DHX35: variants seen among roughly 807,000 people sequenced by gnomAD.
The protein encoded by DHX35 is DEAH-box helicase 35.
A neutral mutation model predicts 99.6 loss-of-function variants in DHX35; 84 were observed. That is an observed-to-expected ratio of 0.84 (90% CI 0.71 to 1.01). DHX35 has a LOEUF of 1.01. Among genes scored for constraint, DHX35 ranks in the 50% least tolerant of loss-of-function variants. DHX35 has a pLI of 0.00. For missense variants in DHX35, 852 were observed against 888.5 expected, an observed-to-expected ratio of 0.96 and a Z score of 0.52; for synonymous variants, 331 against 316.2, an observed-to-expected ratio of 1.05 and a Z score of -0.50.
chr20:38,972,756 C>T, intron 3 of DHX35, 105 bp downstream of exon 3: 1 of 726,340 alleles, frequency 1.4e-6, no homozygotes, highest in Non-Finnish European at 2.3e-6. Context: ...GGTCTCCTTT[C>T]AGGAAATGTT....
chr20:38,994,660 A>G (rs2086398270), intron 7 of DHX35, among the ~76,000 whole-genome samples, 161 bp from the exon 8 acceptor site: 1 of 126,458 alleles, frequency 7.9e-6, no homozygotes, highest in Admixed American at 8.6e-5. Flanking sequence ...GACAATTATT[A>G]ATTTGTAGTC....
At chr20:39,028,826 G>C (rs2086998854) in intron 19 of DHX35, among the ~76,000 whole-genome samples, 1 of 152,178 alleles carries the variant, frequency 6.6e-6, no homozygotes, top group Non-Finnish European at 1.5e-5. Flanking sequence ...TCTCAGAGAA[G>C]TTATTTTACA....
chr20:39,023,353 T>C (rs960780089), intron 16 of DHX35, among the ~76,000 whole-genome samples: 2 of 152,106 alleles, frequency 1.3e-5, no homozygotes, highest in African/African-American at 4.8e-5. Context: ...AGTGCAAAAG[T>C]CAATTTCTTT....
chr20:39,032,770 C>G (rs1031896143), intron 20 of DHX35, among the ~76,000 whole-genome samples: 3 of 152,162 alleles, frequency 2.0e-5, no homozygotes, highest in African/African-American at 7.2e-5. Context: ...TTAACAAGCC[C>G]TCCAGATGTT....
In DHX35 at chr20:39,025,282, T is replaced by C; in HGVS notation, c.1724T>C (p.Leu575Pro). ...GAACATTTCCTGAATTACAAGGGTC[T>C]TGTCAGAGCTGCGACTGTAAGAGAA... ...CQEHFLNYKG[L>P]VRAATVREQL... Residue 575 changes from leucine to proline, a missense_variant, in exon 18 of 22, where the codon CTT becomes CCT. Transcript: ENST00000252011. The C allele has an allele frequency of 1.2e-6, 2 of 1,613,738 alleles. No homozygotes were observed. The highest frequency in any genetic ancestry group is 1.7e-6 in the Non-Finnish European group (2 of 1,179,796).
intron 16 of DHX35, among the ~76,000 whole-genome samples, chr20:39,023,350 A>C (rs2086901630): frequency 6.6e-6 from 1 of 152,130 alleles, no homozygotes; most frequent in Non-Finnish European, 1.5e-5. Flanking sequence ...TCCAGTGCAA[A>C]AGTCAATTTC....
intron 8 of DHX35, among the ~76,000 whole-genome samples, chr20:39,001,364 T>C (rs2086517489): frequency 6.6e-6 from 1 of 152,212 alleles, no homozygotes; most frequent in African/African-American, 2.4e-5. Flanking sequence ...TAACCTGTAC[T>C]GAACTTGAGT....
chr20:38,975,085 C>CT (rs918593656), intron 3 of DHX35, among the ~76,000 whole-genome samples: 3 of 149,030 alleles, frequency 2.0e-5, no homozygotes, highest in Non-Finnish European at 3.0e-5. Flanking sequence ...CTGTGTAGAT[C>CT]TTTTTTTTTG....
chr20:39,001,853 G>T lies in DHX35; in HGVS notation c.755+11G>T, dbSNP rs192306100. ...CTTTTATCTACAAAGGTTTGATGAT[G>T]CTTGAATTCTGGATGATGGTGTTTA... On this transcript the variant is annotated intron_variant, in intron 9 of 21. Transcript: ENST00000252011. The T allele has an allele frequency of 6.9e-5, 110 of 1,583,034 alleles. 2 individuals are homozygous for T. The East Asian group carries it at 2.1e-3, about 30-fold the overall frequency.
At position 39,010,310 on chromosome 20, in the gene DHX35, C is replaced by T. The variant is rs376209770; in HGVS notation, c.1253C>T (p.Thr418Met). The change falls in exon 13 of 22, where the codon ACG (threonine) becomes ATG (methionine). Residue 418 changes from threonine (T) to methionine (M), a missense_variant. Physicochemically the swap from Thr to Met is moderately conservative, Grantham distance 81. Transcript: ENST00000252011. ...GCCTTTGACAAGTTGCCTCAGTCTA[C>T]GGTTCCTGAGATGCAGCGTAGTAAT... ...EEAFDKLPQS[T>M]VPEMQRSNLA... The T allele has an allele frequency of 2.7e-5, 44 of 1,614,118 alleles. No homozygotes were observed. Among genetic ancestry groups the T allele is most frequent in the African/African-American group, 8.0e-5 (6 of 75,028 alleles).
chr20:38,964,544 C>T (rs1404899159), intron 1 of DHX35, among the ~76,000 whole-genome samples: 1 of 152,090 alleles, frequency 6.6e-6, no homozygotes, highest in Non-Finnish European at 1.5e-5. Flanking sequence ...GATTCTCCTG[C>T]CTCAGCCTCC....
chr20:39,024,432 A>T (rs1412446644), intron 17 of DHX35, among the ~76,000 whole-genome samples: 2 of 152,214 alleles, frequency 1.3e-5, no homozygotes, highest in Non-Finnish European at 2.9e-5. Flanking sequence ...AGAAATACTA[A>T]ATTTTTGTTT....
chr20:38,984,281 T>A (rs2086218009), intron 4 of DHX35, among the ~76,000 whole-genome samples: 1 of 152,170 alleles, frequency 6.6e-6, no homozygotes, highest in African/African-American at 2.4e-5. Flanking sequence ...ATGAACGTTT[T>A]AAACAATAAA....
intron 20 of DHX35, among the ~76,000 whole-genome samples, chr20:39,031,670 G>C (rs2087056269): frequency 6.6e-6 from 1 of 152,186 alleles, no homozygotes; most frequent in South Asian, 2.1e-4. Context: ...GACAGACACA[G>C]AGTCAACTAC....
intron 3 of DHX35, among the ~76,000 whole-genome samples, chr20:38,975,939 G>A (rs1307246401): frequency 1.3e-5 from 2 of 152,176 alleles, no homozygotes; most frequent in Admixed American, 6.5e-5. Flanking sequence ...TCCTCCCATA[G>A]GGATGGGTGG....
At chr20:38,975,912 G>T (rs2086068346) in intron 3 of DHX35, among the ~76,000 whole-genome samples, 1 of 152,138 alleles carries the variant, frequency 6.6e-6, no homozygotes, top group South Asian at 2.1e-4. Flanking sequence ...ATAGCAACGG[G>T]GTGACAGTGT....
At position 39,031,271 on chromosome 20, in the gene DHX35, G is replaced by A. The variant is rs2087046331; in HGVS notation, c.1955+496G>A. On this transcript the variant is annotated intron_variant, in intron 20 of 21. Transcript: ENST00000252011. ...AACGTTCATTTTCAACCACTGACTGGATGCTTAGCCCTGCATGAGGCACAG... is the reference window on the plus strand; with the variant it reads ...AACGTTCATTTTCAACCACTGACTGAATGCTTAGCCCTGCATGAGGCACAG... 2.0e-5 allele frequency among the ~76,000 whole-genome samples: 3 copies of A among 151,730 alleles called. No homozygotes were observed. In the South Asian group the frequency reaches 6.3e-4, roughly 32 times the overall value.
At chr20:39,009,905 T>G (rs1406257532) in intron 12 of DHX35, among the ~76,000 whole-genome samples, 3 of 152,178 alleles carry the variant, frequency 2.0e-5, no homozygotes, top group Non-Finnish European at 2.9e-5. Flanking sequence ...ATCTTGAAAT[T>G]GTTCTTTGCT....
intron 7 of DHX35, among the ~76,000 whole-genome samples, chr20:38,992,873 G>A (rs1194298968): frequency 6.6e-6 from 1 of 151,964 alleles, no homozygotes; most frequent in Non-Finnish European, 1.5e-5. Flanking sequence ...AAATACTGTT[G>A]TAGCAAGCAC....
Sources: gnomAD v4.1 joint callset for allele counts (sites outside exome capture counted in the v4.1 genomes callset) on GRCh38, gnomAD v4.1.1 for gene constraint, MANE v1.5 for transcripts, NCBI Gene and HGNC (gene_info 2026-07-23, HGNC 2026-07-21) for gene names.